The following ATG4B variants were observed in gnomAD, a reference collection of about 807,000 sequenced individuals.
ATG4B encodes autophagy related 4B cysteine peptidase, also known as cysteine protease ATG4B.
In ATG4B, 29 loss-of-function variants were observed where a neutral mutation model predicts 56.6. The ratio of observed to expected loss-of-function variants is 0.51; its 90% confidence interval spans 0.38 to 0.70. The LOEUF (loss-of-function observed/expected upper bound fraction) is 0.70. Ranked by LOEUF, ATG4B falls within the 30% of genes least tolerant of loss-of-function variation. ATG4B has a pLI of 0.00. For synonymous variants in ATG4B, 224 were observed against 206.1 expected, an observed-to-expected ratio of 1.09 and a Z score of -0.74; for missense variants, 461 against 515.5, an observed-to-expected ratio of 0.89 and a Z score of 1.02.
At chr2:241,672,110 C>T in intron 12 of ATG4B, 81 bp from the exon 13 acceptor site, 1 of 1,534,788 alleles carries the variant, frequency 6.5e-7, no homozygotes, top group Non-Finnish European at 8.8e-7. Context: ...ACTGCTCAGT[C>T]TGCCCCACGC....
intron 1 of ATG4B, among the ~76,000 whole-genome samples, chr2:241,650,751 A>G (rs2068205075): frequency 1.3e-5 from 2 of 152,066 alleles, no homozygotes; most frequent in Admixed American, 6.6e-5. Flanking sequence ...TGAAAGGCTC[A>G]GGAAGTAGCA....
In ATG4B at chr2:241,653,586, C is replaced by A; in HGVS notation, c.259C>A (p.Leu87Met). ...TGGACAGATGATCTTTGCCCAAGCC[C>A]TGGTGTGCCGGCACCTAGGCCGAGG... ...RCGQMIFAQA[L>M]VCRHLGRDWR... The change falls in exon 4 of 13, where the codon CTG becomes ATG. Residue 87 changes from leucine to methionine, a missense_variant. Transcript: ENST00000404914. The A allele has an allele frequency of 6.4e-7, 1 of 1,573,222 alleles. No homozygotes were observed. Among genetic ancestry groups the A allele is most frequent in the Non-Finnish European group, 8.6e-7 (1 of 1,159,198 alleles).
At chr2:241,663,339 G>A (rs1054075872) in intron 7 of ATG4B, among the ~76,000 whole-genome samples, 9 of 152,176 alleles carry the variant, frequency 5.9e-5, no homozygotes, top group African/African-American at 2.2e-4. Flanking sequence ...AACACAACAG[G>A]CAGAGTTTAG....
chr2:241,639,788 C>G (rs974382846), intron 1 of ATG4B, among the ~76,000 whole-genome samples: 1 of 152,072 alleles, frequency 6.6e-6, no homozygotes, highest in Non-Finnish European at 1.5e-5. Flanking sequence ...AGTCACTACT[C>G]AAAGGTGGGC....
At position 241,657,682 on chromosome 2, in the gene ATG4B, A is replaced by C. The variant is rs545952185; in HGVS notation, c.459-1426A>C. 1.1e-4 allele frequency among the ~76,000 whole-genome samples: 17 copies of C among 152,140 alleles called. No individual in the cohort carries two copies. The South Asian group carries it at 3.5e-3, about 32-fold the overall frequency. The stretch of plus-strand genomic sequence containing the variant: ...GTGGGCCCATTCAAAATATGTCCAG[A>C]CTCTGACCAGTGTTCATCCTTTCAC... On this transcript the variant is annotated intron_variant, in intron 6 of 12. Transcript: ENST00000404914.
chr2:241,661,076 C>G (rs982329908), intron 7 of ATG4B, among the ~76,000 whole-genome samples: 4 of 152,238 alleles, frequency 2.6e-5, no homozygotes, highest in Non-Finnish European at 5.9e-5. Context: ...AGCAGTGCTG[C>G]TGAAACGTGG....
rs1209421096 is a variant in ATG4B at position 241,671,970 on chromosome 2, C to T, written c.1109-221C>T. The T allele has an allele frequency of 1.6e-5, 22 of 1,407,106 alleles. No individual in the cohort carries two copies. The East Asian group carries it at 2.1e-4, about 13-fold the overall frequency. 87.2% of individuals were successfully genotyped at this position (1,407,106 alleles called of 1,614,324 possible). On this transcript the variant is annotated intron_variant, in intron 12 of 12. Coordinates refer to ENST00000404914, the MANE Select transcript of ATG4B (RefSeq NM_013325.5). ...CCCTCAGGCCTGAGATTGTGCCGGC[C>T]GCCCCCTGCCCTCCTCACCCTGCCC...
In ATG4B at chr2:241,653,576, T is replaced by C; in HGVS notation, c.249T>C (p.Phe83=). ...GCMLRCGQMI[F]AQALVCRHLG... The stretch of plus-strand genomic sequence containing the variant: ...TGCTGCGGTGTGGACAGATGATCTT[T>C]GCCCAAGCCCTGGTGTGCCGGCACC... Residue 83 remains phenylalanine (F), a synonymous_variant, in exon 4 of 13, where the codon TTT becomes TTC. Coordinates refer to ENST00000404914, the MANE Select transcript of ATG4B (RefSeq NM_013325.5). The C allele has an allele frequency of 6.3e-7, 1 of 1,577,394 alleles. No homozygotes were observed. The highest frequency in any genetic ancestry group is 1.3e-5 in the African/African-American group (1 of 74,330).
chr2:241,673,423 T>C lies in ATG4B; in HGVS notation c.*1159T>C. 2.6e-6 allele frequency: 1 copy of C among 380,200 alleles called. No individual in the cohort carries two copies. The highest frequency in any genetic ancestry group is 1.9e-5 in the South Asian group (1 of 53,526). 23.6% of individuals were successfully genotyped at this position (380,200 alleles called of 1,614,324 possible). On this transcript the variant is annotated 3_prime_UTR_variant, in exon 13 of 13. Transcript: ENST00000404914. Reference sequence around the variant, plus strand: ...AGGGCTTGGGGAGCGTGGGCACTTTTCTCATGAGCAGCTACTGCGGCGTTG... The same window carrying C: ...AGGGCTTGGGGAGCGTGGGCACTTTCCTCATGAGCAGCTACTGCGGCGTTG...
At chr2:241,657,573 G>C (rs1321452077) in intron 6 of ATG4B, among the ~76,000 whole-genome samples, 1 of 152,192 alleles carries the variant, frequency 6.6e-6, no homozygotes, top group African/African-American at 2.4e-5. Context: ...AAAGTGCTGG[G>C]ATTACAGGCA....
intron 7 of ATG4B, among the ~76,000 whole-genome samples, chr2:241,660,354 A>C (rs6747920): frequency 6.6e-6 from 1 of 152,126 alleles, no homozygotes; most frequent in Non-Finnish European, 1.5e-5. Context: ...CTGTTTCTTC[A>C]TCGTCTGGCC....
At chr2:241,661,486 G>T (rs895417839) in intron 7 of ATG4B, among the ~76,000 whole-genome samples, 6 of 152,180 alleles carry the variant, frequency 3.9e-5, no homozygotes, top group Admixed American at 1.3e-4. Context: ...GTGCGCAAGG[G>T]AGGACGTCTG....
intron 1 of ATG4B, among the ~76,000 whole-genome samples, chr2:241,643,698 C>G (rs962549061): frequency 2.4e-5 from 3 of 125,644 alleles, no homozygotes; most frequent in Admixed American, 7.8e-5. Flanking sequence ...ATATTTTCCC[C>G]CCCCCCCGTC....
intron 1 of ATG4B, among the ~76,000 whole-genome samples, chr2:241,638,614 T>C (rs920840443): frequency 2.0e-5 from 3 of 152,230 alleles, no homozygotes; most frequent in African/African-American, 7.2e-5. Flanking sequence ...TCATTCTGAA[T>C]GGGATTGTTT....
Position 241,654,407 on chromosome 2 carries a change from CGA to C in ATG4B, c.284-136_284-135del, listed in dbSNP as rs562809596. The C allele has an allele frequency of 2.0e-3, 1,230 of 618,060 alleles. 15 individuals are homozygous for C. In the African/African-American group the frequency reaches 0.026, roughly 13 times the overall value. The allele number at this position is 618,060 out of a possible 1,614,324, so 38.3% of individuals were successfully genotyped here. On this transcript the variant is annotated intron_variant, in intron 4 of 12. Coordinates refer to ENST00000404914, the MANE Select transcript of ATG4B (RefSeq NM_013325.5). ...TTGCACTCCATCCTGGGTGAGAGAGCGAGACTCTGTTTAAAAAAAAAAAAAAA... is the reference window on the plus strand; with the variant it reads ...TTGCACTCCATCCTGGGTGAGAGAGCGACTCTGTTTAAAAAAAAAAAAAAA...
At chr2:241,657,163 G>C (rs1285569803) in intron 6 of ATG4B, among the ~76,000 whole-genome samples, 1 of 146,676 alleles carries the variant, frequency 6.8e-6, no homozygotes, top group Non-Finnish European at 1.5e-5. Flanking sequence ...TTTTAGTAGA[G>C]ATGGGGTTTC....
chr2:241,655,390 C>T (rs1320473225), intron 6 of ATG4B, 47 bp downstream of exon 6: 1 of 1,557,894 alleles, frequency 6.4e-7, no homozygotes, highest in African/African-American at 1.4e-5. Context: ...CAGGGATGTT[C>T]CCTGGGGGTT....
At position 241,642,170 on chromosome 2, in the gene ATG4B, T is replaced by G. The variant is rs540254961; in HGVS notation, c.10+4446T>G. ...ATGCAGAGGCTGCTGGGGAGTGGTTTTTTTTTTTTTCTTGAGATGGAGTCT... is the reference window on the plus strand; with the variant it reads ...ATGCAGAGGCTGCTGGGGAGTGGTTGTTTTTTTTTTCTTGAGATGGAGTCT... On this transcript the variant is annotated intron_variant, in intron 1 of 12. Coordinates refer to ENST00000404914, the MANE Select transcript of ATG4B (RefSeq NM_013325.5). Among the ~76,000 whole-genome samples, 9 of 151,818 alleles carry G rather than the reference T, an allele frequency of 5.9e-5. No homozygotes were observed. In the South Asian group the frequency reaches 1.9e-3, roughly 32 times the overall value.
chr2:241,671,452 T>C lies in ATG4B; in HGVS notation c.1108+47T>C, dbSNP rs369079554. The C allele has an allele frequency of 7.2e-5, 115 of 1,602,914 alleles. No homozygotes were observed. The African/African-American group carries it at 1.4e-3, about 19-fold the overall frequency. ...TGGGGTCCCTCGGAGGTACGATCTG[T>C]GCCCTTGCTTCCCCAGTCCTGGCCC... On this transcript the variant is annotated intron_variant, in intron 12 of 12. Transcript: ENST00000404914.
Sources: gnomAD v4.1 joint callset for allele counts (sites outside exome capture counted in the v4.1 genomes callset) on GRCh38, gnomAD v4.1.1 for gene constraint, MANE v1.5 for transcripts, NCBI Gene and HGNC (gene_info 2026-07-23, HGNC 2026-07-21) for gene names.